Variants in FSHR observed in about 807,000 individuals in gnomAD.
FSHR encodes follicle stimulating hormone receptor.
In FSHR, 46 loss-of-function variants were observed where a neutral mutation model predicts 52.1. The observed-to-expected ratio is 0.88, with a 90% CI of 0.70 to 1.13. FSHR has a LOEUF of 1.13. Among genes scored for constraint, FSHR ranks in the 50% most tolerant of loss-of-function variants. FSHR has a pLI of 0.00. For synonymous variants in FSHR, 399 were observed against 309.6 expected, an observed-to-expected ratio of 1.29 and a Z score of -3.03; for missense variants, 964 against 834.6, an observed-to-expected ratio of 1.16 and a Z score of -1.91.
In FSHR at chr2:49,020,066, C is replaced by T. The variant is rs190759257; in HGVS notation, c.299+20G>A. 5.2e-5 allele frequency: 83 copies of T among 1,606,924 alleles called. No individual in the cohort carries two copies. In the East Asian group the frequency reaches 5.6e-4, roughly 11 times the overall value. On this transcript the variant is annotated intron_variant, in intron 3 of 9. Transcript: ENST00000406846. Reference sequence around the variant, plus strand: ...TTTTCAAGAATGGCCATGAGCAAATCCCCCAATCTTCTTGCTTACATTTCA... The same window carrying T: ...TTTTCAAGAATGGCCATGAGCAAATTCCCCAATCTTCTTGCTTACATTTCA...
chr2:49,071,048 C>T (rs547108994), intron 1 of FSHR, among the ~76,000 whole-genome samples: 12 of 151,938 alleles, frequency 7.9e-5, no homozygotes, highest in South Asian at 2.1e-4. Context: ...CATTTTGGTA[C>T]GAAACTGGCA....
chr2:49,035,900 T>G (rs1439264005), intron 2 of FSHR, among the ~76,000 whole-genome samples: 1 of 152,240 alleles, frequency 6.6e-6, no homozygotes, highest in Non-Finnish European at 1.5e-5. Flanking sequence ...TAGGTATTTC[T>G]TAGATCATAA....
chr2:49,117,132 A>G (rs556805298), intron 1 of FSHR, among the ~76,000 whole-genome samples: 83 of 152,296 alleles, frequency 5.4e-4, no homozygotes, highest in African/African-American at 1.8e-3. Context: ...CAAGAAAAAA[A>G]GGTTCACAGG....
rs181443664 is a variant in FSHR at position 49,128,215 on chromosome 2, G to C, written c.152+26051C>G. Reference sequence around the variant, plus strand: ...TTGAACTCAAATCTCTGTCTGGTTAGTTTTTCTGTGCTTCACAGTGACTGC... The same window carrying C: ...TTGAACTCAAATCTCTGTCTGGTTACTTTTTCTGTGCTTCACAGTGACTGC... On this transcript the variant is annotated intron_variant, in intron 1 of 9. Coordinates refer to ENST00000406846, the MANE Select transcript of FSHR (RefSeq NM_000145.4). 1.0e-3 allele frequency among the ~76,000 whole-genome samples: 158 copies of C among 152,024 alleles called. 1 individual carries two copies. The highest frequency in any genetic ancestry group is 3.7e-3 in the African/African-American group (154 of 41,492).
At chr2:49,128,292 A>G (rs1435210082) in intron 1 of FSHR, among the ~76,000 whole-genome samples, 1 of 152,166 alleles carries the variant, frequency 6.6e-6, no homozygotes, top group African/African-American at 2.4e-5. Context: ...AATGAATGGG[A>G]GGATTTTCTT....
chr2:49,135,820 T>G (rs1415258605), intron 1 of FSHR, among the ~76,000 whole-genome samples: 1 of 152,142 alleles, frequency 6.6e-6, no homozygotes, highest in Non-Finnish European at 1.5e-5. Context: ...AATAAAATAT[T>G]ATTGAAAACT....
At chr2:49,058,312 G>A (rs1055992325) in intron 2 of FSHR, among the ~76,000 whole-genome samples, 1 of 152,170 alleles carries the variant, frequency 6.6e-6, no homozygotes, top group African/African-American at 2.4e-5. Flanking sequence ...ACATTGGGAG[G>A]CTGAGGCAGG....
intron 2 of FSHR, among the ~76,000 whole-genome samples, chr2:49,024,997 A>G (rs957185181): frequency 6.6e-6 from 1 of 152,154 alleles, no homozygotes; most frequent in Non-Finnish European, 1.5e-5. Flanking sequence ...ATTGCCCTTT[A>G]TCTTAATATT....
At chr2:49,086,501 C>T (rs370175753) in intron 1 of FSHR, among the ~76,000 whole-genome samples, 10 of 152,212 alleles carry the variant, frequency 6.6e-5, no homozygotes, top group Non-Finnish European at 1.0e-4. Flanking sequence ...AGCTGCAGTC[C>T]GAGTGGGCTT....
At chr2:49,037,287 A>G (rs1250061935) in intron 2 of FSHR, among the ~76,000 whole-genome samples, 1 of 152,236 alleles carries the variant, frequency 6.6e-6, no homozygotes, top group Non-Finnish European at 1.5e-5. Context: ...ACTAATTTAA[A>G]TGTTATAACA....
At chr2:49,149,864 T>A (rs1470289873) in intron 1 of FSHR, among the ~76,000 whole-genome samples, 1 of 152,060 alleles carries the variant, frequency 6.6e-6, no homozygotes, top group Non-Finnish European at 1.5e-5. Flanking sequence ...GGGAACTTGC[T>A]ATAAGGACAA....
chr2:49,066,385 A>T (rs1669502125), intron 2 of FSHR, among the ~76,000 whole-genome samples: 1 of 152,034 alleles, frequency 6.6e-6, no homozygotes, highest in African/African-American at 2.4e-5. Flanking sequence ...AGGTCTGGAA[A>T]GGAGATGAGA....
rs149847853 is a variant in FSHR at position 48,983,099 on chromosome 2, G to T, written c.592C>A (p.Leu198Met). ...CAFNGTQLDE[L>M]NLSDNNNLEE... ...TGAAGAATAGTCAGGGCTACTTACA[G>T]CTCATCTAGTTGGGTTCCATTGAAT... Residue 198 changes from leucine to methionine, a missense_variant and splice_region_variant, in exon 7 of 10, where the codon CTG becomes ATG. By Grantham distance (15) the Leu-to-Met change is conservative. Transcript: ENST00000406846. 3 of 1,613,846 alleles carry T rather than the reference G, an allele frequency of 1.9e-6. No homozygotes were observed. The highest frequency in any genetic ancestry group is 2.5e-6 in the Non-Finnish European group (3 of 1,179,744).
At chr2:49,055,547 A>T (rs1342407574) in intron 2 of FSHR, among the ~76,000 whole-genome samples, 2 of 147,720 alleles carry the variant, frequency 1.4e-5, no homozygotes, top group Non-Finnish European at 3.0e-5. Context: ...AAAAAAAAAA[A>T]AAAAAAAAAA....
At chr2:49,000,393 A>G (rs562975340) in intron 4 of FSHR, among the ~76,000 whole-genome samples, 1 of 152,172 alleles carries the variant, frequency 6.6e-6, no homozygotes, top group African/African-American at 2.4e-5. Context: ...AAAAAAATAA[A>G]TAAGTTTGTG....
At chr2:49,146,050 A>G (rs1034691536) in intron 1 of FSHR, among the ~76,000 whole-genome samples, 11 of 152,040 alleles carry the variant, frequency 7.2e-5, no homozygotes, top group African/African-American at 1.9e-4. Flanking sequence ...GAGGATCTTA[A>G]TGCCAAACTT....
intron 1 of FSHR, among the ~76,000 whole-genome samples, chr2:49,068,564 A>G (rs1430512965): frequency 6.6e-6 from 1 of 152,074 alleles, no homozygotes; most frequent in Non-Finnish European, 1.5e-5. Flanking sequence ...ATGGAATATG[A>G]ACCTTGCTTG....
In FSHR at chr2:49,104,317, A is replaced by G. The variant is rs145651281; in HGVS notation, c.153-36027T>C. On this transcript the variant is annotated intron_variant, in intron 1 of 9. Transcript: ENST00000406846. ...TCCTCAGCACAGGTGGAGGATTGCT[A>G]TGTGTTGGGTGGAAATAGGTGATGC... Among the ~76,000 whole-genome samples, 667 of 152,190 alleles carry G rather than the reference A, an allele frequency of 4.4e-3. 3 individuals are homozygous for G. Among genetic ancestry groups the G allele is most frequent in the African/African-American group, 0.015 (612 of 41,534 alleles).
In FSHR at chr2:48,982,977, G is replaced by A. The variant is rs75552966; in HGVS notation, c.603C>T (p.Ser201=). 4.6e-3 allele frequency: 7,406 copies of A among 1,613,690 alleles called. 42 individuals are homozygous for A. The highest frequency in any genetic ancestry group is 0.027 in the African/African-American group (2,021 of 75,006). ...GCAATTCTTCTAAATTATTATTATC[G>A]CTTAGATTCCTGGGGATGGGGTTGA... ...NGTQLDELNL[S]DNNNLEELPN... Residue 201 remains serine (S), a synonymous_variant, in exon 8 of 10, where the codon AGC becomes AGT. Transcript: ENST00000406846.
Sources: gnomAD v4.1 joint callset for allele counts (sites outside exome capture counted in the v4.1 genomes callset) on GRCh38, gnomAD v4.1.1 for gene constraint, MANE v1.5 for transcripts, NCBI Gene and HGNC (gene_info 2026-07-23, HGNC 2026-07-21) for gene names.